EN1: variants seen among roughly 807,000 people sequenced by gnomAD.
EN1 encodes the protein homeobox protein engrailed-1.
Under a neutral mutation model 22.9 loss-of-function variants are expected in EN1, and 8 were observed. The ratio of observed to expected loss-of-function variants is 0.35; its 90% confidence interval spans 0.20 to 0.63. The LOEUF is 0.63. Among genes scored for constraint, EN1 ranks in the 20% least tolerant of loss-of-function variants. The pLI is 0.73. For missense variants in EN1, 521 were observed against 572.1 expected, an observed-to-expected ratio of 0.91 and a Z score of 0.91; for synonymous variants, 287 against 262.5, an observed-to-expected ratio of 1.09 and a Z score of -0.90.
chr2:118,843,884 T>C (rs966016271), intron 1 of EN1: 2 of 152,710 alleles, frequency 1.3e-5, no homozygotes, highest in Non-Finnish European at 2.9e-5. Flanking sequence ...AAGTATTTGG[T>C]GTCTGCCCCC....
At chr2:118,845,033 A>T (rs1022744065) in intron 1 of EN1, among the ~76,000 whole-genome samples, 2 of 152,226 alleles carry the variant, frequency 1.3e-5, no homozygotes, top group South Asian at 4.1e-4. Context: ...GGACTCTTGT[A>T]ATAAAATCGT....
chr2:118,844,787 C>T (rs1678243679), intron 1 of EN1, among the ~76,000 whole-genome samples: 1 of 152,210 alleles, frequency 6.6e-6, no homozygotes, highest in South Asian at 2.1e-4. Context: ...ATCCCCTCCT[C>T]CCCCAACTGC....
At chr2:118,843,687 G>C (rs1352689473) in intron 1 of EN1, among the ~76,000 whole-genome samples, 1 of 152,110 alleles carries the variant, frequency 6.6e-6, no homozygotes, top group Non-Finnish European at 1.5e-5. Context: ...CACCGCCCCG[G>C]AATAGATAGG....
chr2:118,847,140 T>C lies in EN1; in HGVS notation c.28A>G (p.Ser10Gly). 1 of 1,242,290 alleles carries C rather than the reference T, an allele frequency of 8.0e-7. No individual in the cohort carries two copies. Among genetic ancestry groups the C allele is most frequent in the Non-Finnish European group, 1.1e-6 (1 of 925,916 alleles). The allele number at this position is 1,242,290 out of a possible 1,614,324, so 77.0% of individuals were successfully genotyped here. A position where few individuals can be genotyped will look rare whatever the true frequency, so the allele number is the denominator to read the frequency against. MEEQQPEPK[S>G]QRDSALGAAA... Reference sequence around the variant, plus strand: ...GCGCCGAGGGCCGAGTCGCGCTGACTTTTAGGTTCCGGCTGCTGTTCTTCC... The same window carrying C: ...GCGCCGAGGGCCGAGTCGCGCTGACCTTTAGGTTCCGGCTGCTGTTCTTCC... The change falls in exon 1 of 2, where the codon AGT (serine) becomes GGT (glycine). Residue 10 changes from serine to glycine, a missense_variant. By Grantham distance (56) the Ser-to-Gly change is moderately conservative. This residue lies in a region of EN1 where 436 missense variants were observed against 410.1 expected (regional missense o/e 1.06). Coordinates refer to ENST00000295206, the MANE Select transcript of EN1 (RefSeq NM_001426.4).
Position 118,846,656 on chromosome 2 carries a change from C to T in EN1, c.512G>A (p.Cys171Tyr), listed in dbSNP as rs541687588. 11 of 1,561,506 alleles carry T rather than the reference C, an allele frequency of 7.0e-6. No individual in the cohort carries two copies. In the East Asian group the frequency reaches 9.7e-5, roughly 14 times the overall value. ...TRAPGAASLL[C>Y]APDANCGPPD... is the part of the protein sequence containing the mutation. ...TGGGCCACAGTTCGCGTCCGGGGCG[C>T]ACAGGAGCGAGGCAGCGCCTGGCGC... Residue 171 changes from cysteine to tyrosine, a missense_variant, in exon 1 of 2, where the codon TGC becomes TAC. Coordinates refer to ENST00000295206, the MANE Select transcript of EN1 (RefSeq NM_001426.4). This position sits in a 1 kb window ranked among gnomAD's most constrained non-coding sequence, Gnocchi z 5.0.
intron 1 of EN1, among the ~76,000 whole-genome samples, chr2:118,845,058 C>A (rs1485299269): frequency 6.6e-6 from 1 of 152,242 alleles, no homozygotes; most frequent in Non-Finnish European, 1.5e-5. Flanking sequence ...AGTCTCCCGG[C>A]CAGCCCGAGC....
At position 118,846,481 on chromosome 2, in the gene EN1, TCCACTGCCGCCG is replaced by T. The variant is rs1573317427; in HGVS notation, c.675_686del (p.Ser228_Gly231del). 1.9e-6 allele frequency: 3 copies of T among 1,588,378 alleles called. No individual in the cohort carries two copies. Among genetic ancestry groups the T allele is most frequent in the Middle Eastern group, 3.5e-4 (2 of 5,792 alleles). On this transcript the variant is annotated inframe_deletion, in exon 1 of 2. Transcript: ENST00000295206. This position sits in a 1 kb window ranked among gnomAD's most constrained non-coding sequence, Gnocchi z 5.0. ...GCGCTCCGGGGCTCCCCGCGCCGCC[TCCACTGCCGCCG>T]CCACCGGTGTCCGAGGGCTTGGCTG... is the stretch of plus-strand genomic sequence containing the variant.
Position 118,847,440 on chromosome 2 carries a change from A to G in EN1, c.-273T>C, listed in dbSNP as rs1050842138. The G allele has an allele frequency of 6.4e-6, 2 of 310,364 alleles. No homozygotes were observed. Among genetic ancestry groups the G allele is most frequent in the East Asian group, 5.3e-5 (1 of 19,022 alleles). The allele number at this position is 310,364 out of a possible 1,614,324, so 19.2% of individuals were successfully genotyped here. A position where few individuals can be genotyped will look rare whatever the true frequency, so the allele number is the denominator to read the frequency against. ...TGGCTATTTCTTTTTTCTTTCTGCA[A>G]CCAGATTCAATGATTTGATTTAAAT... is the stretch of plus-strand genomic sequence containing the variant. On this transcript the variant is annotated 5_prime_UTR_variant, in exon 1 of 2. Transcript: ENST00000295206.
intron 1 of EN1, among the ~76,000 whole-genome samples, chr2:118,845,220 G>A (rs529619473): frequency 6.6e-6 from 1 of 152,248 alleles, no homozygotes; most frequent in Non-Finnish European, 1.5e-5. Context: ...GGCAGCTGTG[G>A]GGCGGCGAGA....
Position 118,843,106 on chromosome 2 carries a change from G to T in EN1, c.1011C>A (p.Ala337=). ...YITEQRRQTL[A]QELSLNESQI... ...GGGACTCGTTGAGGCTGAGTTCCTG[G>T]GCCAGGGTCTGCCGCCGCTGCTCCG... Residue 337 remains alanine (A), a synonymous_variant, in exon 2 of 2, where the codon GCC becomes GCA. Transcript: ENST00000295206. 4 of 1,614,052 alleles carry T rather than the reference G, an allele frequency of 2.5e-6. No individual in the cohort carries two copies. The highest frequency in any genetic ancestry group is 3.4e-6 in the Non-Finnish European group (4 of 1,179,984).
In EN1 at chr2:118,847,537, A is replaced by T. The variant is rs899378267; in HGVS notation, c.-370T>A. 5.8e-6 allele frequency: 1 copy of T among 173,394 alleles called. No individual in the cohort carries two copies. Among genetic ancestry groups the T allele is most frequent in the East Asian group, 1.5e-4 (1 of 6,612 alleles). 10.7% of individuals were successfully genotyped at this position (173,394 alleles called of 1,614,324 possible). ...AAAGGAAAAAGAAAGCAAGAAAAAA[A>T]GCTCCAATAATTTTTTTCTTAAAGG... On this transcript the variant is annotated 5_prime_UTR_variant, in exon 1 of 2. Coordinates refer to ENST00000295206, the MANE Select transcript of EN1 (RefSeq NM_001426.4).
chr2:118,846,410 A>T lies in EN1; in HGVS notation c.758T>A (p.Met253Lys). 1 of 1,613,454 alleles carries T rather than the reference A, an allele frequency of 6.2e-7. No individual in the cohort carries two copies. Among genetic ancestry groups the T allele is most frequent in the Non-Finnish European group, 8.5e-7 (1 of 1,179,910 alleles). ...CACGGGCCCGCCGTTGGCTGAGCCC[A>T]TAAGTAGGATAGCCGGGTTGCCGTG... ...PEHGNPAILL[M>K]GSANGGPVVK... Residue 253 changes from methionine to lysine, a missense_variant, in exon 1 of 2, where the codon ATG becomes AAG. Physicochemically the swap from Met to Lys is moderately conservative, Grantham distance 95. This residue lies in a region of EN1 where 436 missense variants were observed against 410.1 expected (regional missense o/e 1.06). Transcript: ENST00000295206. This position sits in a 1 kb window ranked among gnomAD's most constrained non-coding sequence, Gnocchi z 5.0.
In EN1 at chr2:118,842,711, AGAATGGATCTTATTTTTC is replaced by A; in HGVS notation, c.*209_*226del. The A allele has an allele frequency of 1.3e-6, 1 of 772,066 alleles. No homozygotes were observed. The highest frequency in any genetic ancestry group is 3.0e-5 in the East Asian group (1 of 33,788). 47.8% of individuals were successfully genotyped at this position (772,066 alleles called of 1,614,324 possible). On this transcript the variant is annotated 3_prime_UTR_variant, in exon 2 of 2. Coordinates refer to ENST00000295206, the MANE Select transcript of EN1 (RefSeq NM_001426.4). ...GTTTCGTCCCTTATACTGGGAATAGAGAATGGATCTTATTTTTCGATAGCACCTGTCCGAGTCTTTCTC... is the reference window on the plus strand; with the variant it reads ...GTTTCGTCCCTTATACTGGGAATAGAGATAGCACCTGTCCGAGTCTTTCTC...
chr2:118,847,448 C>G lies in EN1; in HGVS notation c.-281G>C, dbSNP rs1239758824. ...TCTTTTTTCTTTCTGCAACCAGATTCAATGATTTGATTTAAATGGGGAGTA... is the reference window on the plus strand; with the variant it reads ...TCTTTTTTCTTTCTGCAACCAGATTGAATGATTTGATTTAAATGGGGAGTA... On this transcript the variant is annotated 5_prime_UTR_variant, in exon 1 of 2. Transcript: ENST00000295206. 3.3e-6 allele frequency: 1 copy of G among 301,980 alleles called. No individual in the cohort carries two copies. The highest frequency in any genetic ancestry group is 2.2e-5 in the African/African-American group (1 of 45,212). The allele number at this position is 301,980 out of a possible 1,614,324, so 18.7% of individuals were successfully genotyped here.
rs968779126 is a variant in EN1 at position 118,842,836 on chromosome 2, C to T, written c.*102G>A. ...TCTCTCTCGCTCTTTTCCCTGCGCT[C>T]CCTCCCTCCTTGGAGCAGATGCTTT... On this transcript the variant is annotated 3_prime_UTR_variant, in exon 2 of 2. Coordinates refer to ENST00000295206, the MANE Select transcript of EN1 (RefSeq NM_001426.4). 4.8e-6 allele frequency: 7 copies of T among 1,456,548 alleles called. No homozygotes were observed. Among genetic ancestry groups the T allele is most frequent in the African/African-American group, 1.4e-5 (1 of 70,454 alleles). The allele number at this position is 1,456,548 out of a possible 1,614,324, so 90.2% of individuals were successfully genotyped here. A position where few individuals can be genotyped will look rare whatever the true frequency, so the allele number is the denominator to read the frequency against.
At position 118,844,855 on chromosome 2, in the gene EN1, C is replaced by T. The variant is rs1678244568; in HGVS notation, c.862+1451G>A. ...CCCAGGCCCATAAGAAGGAAAGTGG[C>T]CAAGAACAAAGCCAAGGCCCTCTCC... On this transcript the variant is annotated intron_variant, in intron 1 of 1. Coordinates refer to ENST00000295206, the MANE Select transcript of EN1 (RefSeq NM_001426.4). Among the ~76,000 whole-genome samples, 4 of 152,350 alleles carry T rather than the reference C, an allele frequency of 2.6e-5. No individual in the cohort carries two copies. The South Asian group carries it at 8.3e-4, about 32-fold the overall frequency.
In EN1 at chr2:118,843,184, C is replaced by A. The variant is rs770636668; in HGVS notation, c.933G>T (p.Thr311=). The A allele has an allele frequency of 3.1e-6, 5 of 1,597,266 alleles. No homozygotes were observed. The highest frequency in any genetic ancestry group is 1.7e-5 in the Admixed American group (1 of 57,998). The change falls in exon 2 of 2, where the codon ACG becomes ACT. Residue 311 remains threonine, a synonymous_variant. Transcript: ENST00000295206. ...CCTTGAGTCTCTGCAGCTGCTCGGC[C>A]GTGAACGCGGTCCGCGGCCGCTTGT... ...KEDKRPRTAF[T]AEQLQRLKAE... is the part of the protein sequence containing the mutation.
Position 118,842,785 on chromosome 2 carries a change from T to C in EN1, c.*153A>G, listed in dbSNP as rs1678210534. On this transcript the variant is annotated 3_prime_UTR_variant, in exon 2 of 2. Transcript: ENST00000295206. The stretch of plus-strand genomic sequence containing the variant: ...TCAAAAATGCTGCGTTTCAACGTCA[T>C]TGTCCATTCTGAGGCTCTCTTTCTG... The C allele has an allele frequency of 4.7e-6, 6 of 1,287,180 alleles. No homozygotes were observed. The highest frequency in any genetic ancestry group is 1.6e-5 in the South Asian group (1 of 61,954). 79.7% of individuals were successfully genotyped at this position (1,287,180 alleles called of 1,614,324 possible).
intron 1 of EN1, chr2:118,844,028 A>C (rs1474814122): frequency 1.3e-5 from 2 of 152,114 alleles, no homozygotes; most frequent in Non-Finnish European, 2.9e-5. Flanking sequence ...ATCCATCCTC[A>C]TGACCCTGGC....
Sources: allele counts gnomAD v4.1 joint callset (sites outside exome capture counted in the v4.1 genomes callset), GRCh38; gene constraint gnomAD v4.1.1; regional missense constraint gnomAD v4.1.1; non-coding constraint Gnocchi (gnomAD v3.1); transcripts MANE v1.5; gene names NCBI Gene and HGNC (gene_info 2026-07-23, HGNC 2026-07-21).